The following ANK2 variants were observed in gnomAD, a reference collection of about 807,000 sequenced individuals.
ANK2 encodes the protein ankyrin 2, also known as ankyrin-2.
A neutral mutation model predicts 360.5 loss-of-function variants in ANK2; 83 were observed. That is an observed-to-expected ratio of 0.23 (90% CI 0.19 to 0.28). ANK2 has a LOEUF of 0.28. Among genes scored for constraint, ANK2 ranks in the 10% least tolerant of loss-of-function variants. The probability of loss-of-function intolerance (pLI) is 1.00; values close to 1 mark genes in which losing one functional copy is unlikely to be tolerated. For missense variants in ANK2, 4,201 were observed against 4,795.7 expected (o/e 0.88, Z 3.66); for synonymous variants, 1,740 against 1,759.5 (o/e 0.99, Z 0.28).
intron 1 of ANK2, among the ~76,000 whole-genome samples, chr4:112,874,877 A>T (rs62317087): frequency 2.0e-5 from 3 of 152,058 alleles, no homozygotes; most frequent in East Asian, 3.9e-4. Flanking sequence ...AATTCCTTGT[A>T]CTTAGTAGCT....
chr4:112,760,175 C>A, the ANK2 span, among the ~76,000 whole-genome samples: 1 of 146,190 alleles, frequency 6.8e-6, no homozygotes. Context: ...AAATATTTTT[C>A]AAATTCCATA....
intron 1 of ANK2, among the ~76,000 whole-genome samples, chr4:113,071,438 C>G (rs2077510968): frequency 1.3e-5 from 2 of 152,204 alleles, no homozygotes; most frequent in Admixed American, 6.5e-5. Context: ...ATAAACATCT[C>G]CATGTAATTT....
rs1220594452 is a variant in ANK2, at chr4:113,381,860, A to G, written c.*389A>G. On this transcript the variant is annotated 3_prime_UTR_variant, in exon 46 of 46. Coordinates refer to ENST00000357077, the MANE Select transcript of ANK2 (RefSeq NM_001148.6). ...ATCCTTCATACTGGATGCTGTATCCAATACTTTGTTGTGTCTGTGCTAACC... is the reference window on the plus strand; with the variant it reads ...ATCCTTCATACTGGATGCTGTATCCGATACTTTGTTGTGTCTGTGCTAACC... 2.5e-6 allele frequency: 1 copy of G among 404,108 alleles called. No homozygotes were observed. Among genetic ancestry groups the G allele is most frequent in the Non-Finnish European group, 4.7e-6 (1 of 214,896 alleles). 25.0% of individuals were successfully genotyped at this position (404,108 alleles called of 1,614,324 possible). A position where few individuals can be genotyped will look rare whatever the true frequency, so the allele number is the denominator to read the frequency against.
intron 1 of ANK2, among the ~76,000 whole-genome samples, chr4:112,829,132 GAC>G (rs1365891730): frequency 6.6e-6 from 1 of 152,198 alleles, no homozygotes; most frequent in African/African-American, 2.4e-5. Flanking sequence ...CAGCCTGGGT[GAC>G]AGAGCAGGAC....
chr4:113,176,995 G>T (rs2098235256), intron 2 of ANK2, among the ~76,000 whole-genome samples: 2 of 152,180 alleles, frequency 1.3e-5, no homozygotes, highest in South Asian at 4.1e-4. Flanking sequence ...ATTCCATGGT[G>T]TATATGTGCC....
chr4:113,029,305 A>G (rs1016448260), intron 2 of ANK2, among the ~76,000 whole-genome samples: 1 of 151,736 alleles, frequency 6.6e-6, no homozygotes, highest in Non-Finnish European at 1.5e-5. Flanking sequence ...CATGATTACA[A>G]CTCACTACAT....
intron 1 of ANK2, among the ~76,000 whole-genome samples, chr4:113,074,976 T>A (rs1421095849): frequency 6.6e-6 from 1 of 152,208 alleles, no homozygotes; most frequent in Non-Finnish European, 1.5e-5. Flanking sequence ...AAAATGCACT[T>A]TAGTATCTTG....
chr4:112,772,228 G>A, the ANK2 span, among the ~76,000 whole-genome samples: 1 of 152,114 alleles, frequency 6.6e-6, no homozygotes, highest in Non-Finnish European at 1.5e-5. Context: ...ATGGTGGAAG[G>A]CAAAAAGTGT....
chr4:112,784,350 ATTTTTTTTT>A, the ANK2 span, among the ~76,000 whole-genome samples: 8 of 69,522 alleles, frequency 1.2e-4, no homozygotes, highest in East Asian at 4.9e-4. Flanking sequence ...ACCCTGACTG[ATTTTTTTTT>A]TTTTTTTTTT....
At chr4:113,240,110 A>G (rs992434283) in intron 7 of ANK2, among the ~76,000 whole-genome samples, 1 of 152,194 alleles carries the variant, frequency 6.6e-6, no homozygotes, top group African/African-American at 2.4e-5. Context: ...AAAAGACATT[A>G]AAAAATTCAT....
chr4:113,124,580 G>C (rs890175971), intron 1 of ANK2, among the ~76,000 whole-genome samples: 1 of 152,130 alleles, frequency 6.6e-6, no homozygotes, highest in Non-Finnish European at 1.5e-5. Context: ...TTCCAGAGCA[G>C]TCAGAAAGGG....
At chr4:113,333,355 A>G in intron 29 of ANK2, 147 bp downstream of exon 29, 1 of 1,103,436 alleles carries the variant, frequency 9.1e-7, no homozygotes, top group South Asian at 1.3e-5. Context: ...TTACTACAGC[A>G]GGTAATCTGC....
intron 4 of ANK2, among the ~76,000 whole-genome samples, chr4:113,216,567 A>T (rs564977200): frequency 5.4e-4 from 83 of 152,342 alleles, no homozygotes; most frequent in African/African-American, 1.9e-3. Flanking sequence ...GCACAATAAT[A>T]AATATCATTT....
At chr4:112,823,179 T>C (rs1034560362) in intron 1 of ANK2, among the ~76,000 whole-genome samples, 1 of 152,264 alleles carries the variant, frequency 6.6e-6, no homozygotes, top group Admixed American at 6.5e-5. Flanking sequence ...TCAAATTCAA[T>C]ACAGAGGTCC....
intron 1 of ANK2, among the ~76,000 whole-genome samples, chr4:113,137,469 G>C (rs574150560): frequency 6.6e-6 from 1 of 152,284 alleles, no homozygotes; most frequent in South Asian, 2.1e-4. Flanking sequence ...GGTTTGAGTA[G>C]GGCATTGGCT....
the ANK2 span, among the ~76,000 whole-genome samples, chr4:112,783,498 A>G: frequency 9.9e-5 from 15 of 152,118 alleles, no homozygotes; most frequent in African/African-American, 2.9e-4. Context: ...TGTACTTCAC[A>G]TGAATGTATA....
At position 113,336,066 on chromosome 4, in the gene ANK2, A is replaced by C. The variant is rs2093483304; in HGVS notation, c.3591+9A>C. On this transcript the variant is annotated intron_variant, in intron 30 of 45. Transcript: ENST00000357077. ...TCCGCGTAGGCCTGCAGGTATGCCC[A>C]TGTTAGATGCAAATGATCCTAACAG... is the stretch of plus-strand genomic sequence containing the variant. 1 of 1,612,678 alleles carries C rather than the reference A, an allele frequency of 6.2e-7. No homozygotes were observed. Among genetic ancestry groups the C allele is most frequent in the African/African-American group, 1.3e-5 (1 of 74,882 alleles).
At chr4:112,757,749 G>A in the ANK2 span, among the ~76,000 whole-genome samples, 1 of 152,108 alleles carries the variant, frequency 6.6e-6, no homozygotes, top group Non-Finnish European at 1.5e-5. Context: ...TGGATTTTAG[G>A]GTGAATCTTT....
the ANK2 span, among the ~76,000 whole-genome samples, chr4:112,785,731 C>A: frequency 6.6e-6 from 1 of 151,674 alleles, no homozygotes; most frequent in South Asian, 2.1e-4. Flanking sequence ...GTAGTGGGCG[C>A]GATCATAGCT....
Sources: allele counts gnomAD v4.1 joint callset (sites outside exome capture counted in the v4.1 genomes callset), GRCh38; gene constraint gnomAD v4.1.1; transcripts MANE v1.5; gene names NCBI Gene and HGNC (gene_info 2026-07-23, HGNC 2026-07-21).